Variants in PHACTR4 observed in about 807,000 individuals in gnomAD.
The protein encoded by PHACTR4 is phosphatase and actin regulator 4, also known as protein phosphatase 1, regulatory subunit 124.
Under a neutral mutation model 72.7 loss-of-function variants are expected in PHACTR4, and 51 were observed. The observed-to-expected ratio is 0.70, with a 90% confidence interval of 0.56 to 0.89. The LOEUF is 0.89. Among genes scored for constraint, PHACTR4 ranks in the 40% least tolerant of loss-of-function variants. The pLI is 0.00. For missense variants in PHACTR4, 731 were observed against 861.8 expected (o/e 0.85, Z 1.90); for synonymous variants, 255 against 302.5 (o/e 0.84, Z 1.63).
At chr1:28,396,376 C>G (rs1274250889) in intron 1 of PHACTR4, among the ~76,000 whole-genome samples, 14 of 151,412 alleles carry the variant, frequency 9.2e-5, no homozygotes, top group African/African-American at 3.2e-4. Context: ...TACAAAAATA[C>G]AAAAATTAGC....
rs374378156 is a variant in PHACTR4, at chr1:28,496,624, T to G, written c.*75T>G. 59 of 1,545,910 alleles carry G rather than the reference T, an allele frequency of 3.8e-5. No individual in the cohort carries two copies. Among genetic ancestry groups the G allele is most frequent in the Non-Finnish European group, 5.2e-5 (58 of 1,121,656 alleles). ...TCCAAAGTGACATATGGAGGGAACTTTAGCACTTCCCAGCACAGCCAGAAT... is the reference window on the plus strand; with the variant it reads ...TCCAAAGTGACATATGGAGGGAACTGTAGCACTTCCCAGCACAGCCAGAAT... On this transcript the variant is annotated 3_prime_UTR_variant, in exon 14 of 14. Transcript: ENST00000373839.
At chr1:28,475,348 G>T (rs1019946167) in intron 7 of PHACTR4, among the ~76,000 whole-genome samples, 2 of 151,654 alleles carry the variant, frequency 1.3e-5, no homozygotes, top group African/African-American at 4.8e-5. Context: ...AATTACAACC[G>T]CTAGTTTTAT....
chr1:28,434,467 A>G (rs988671380), intron 2 of PHACTR4, among the ~76,000 whole-genome samples: 2 of 151,860 alleles, frequency 1.3e-5, no homozygotes, highest in Non-Finnish European at 1.5e-5. Flanking sequence ...GACTACAGGC[A>G]CGTACCACCA....
chr1:28,400,217 A>G (rs1653839935), intron 1 of PHACTR4, among the ~76,000 whole-genome samples: 2 of 152,064 alleles, frequency 1.3e-5, no homozygotes, highest in African/African-American at 4.8e-5. Flanking sequence ...TTCTAAAAAT[A>G]CAAAAATTAG....
chr1:28,379,738 C>T (rs895639050), intron 1 of PHACTR4, among the ~76,000 whole-genome samples: 24 of 151,688 alleles, frequency 1.6e-4, no homozygotes, highest in Admixed American at 7.2e-4. Flanking sequence ...TACAGGCGCC[C>T]GCCACCACAC....
intron 2 of PHACTR4, among the ~76,000 whole-genome samples, chr1:28,452,908 C>T (rs1205483873): frequency 1.3e-5 from 2 of 152,332 alleles, no homozygotes; most frequent in South Asian, 2.1e-4. Flanking sequence ...CACTTGAGGT[C>T]AGGAGCTCGA....
At chr1:28,387,717 T>C (rs1369148061) in intron 1 of PHACTR4, among the ~76,000 whole-genome samples, 3 of 147,802 alleles carry the variant, frequency 2.0e-5, no homozygotes. Context: ...CAAGACACTG[T>C]CTCTACAAAA....
chr1:28,487,911 T>G (rs971340234), intron 9 of PHACTR4, among the ~76,000 whole-genome samples: 2 of 151,588 alleles, frequency 1.3e-5, no homozygotes, highest in African/African-American at 4.8e-5. Flanking sequence ...AATTTTTGTA[T>G]TTTTCAGTAG....
chr1:28,410,113 C>T (rs1348549604), intron 2 of PHACTR4, among the ~76,000 whole-genome samples: 4 of 151,802 alleles, frequency 2.6e-5, no homozygotes, highest in Non-Finnish European at 5.9e-5. Context: ...ACTACAGGCA[C>T]GTGCCACCAC....
At chr1:28,376,656 A>C (rs1433813848) in intron 1 of PHACTR4, among the ~76,000 whole-genome samples, 1 of 145,232 alleles carries the variant, frequency 6.9e-6, no homozygotes, top group Non-Finnish European at 1.5e-5. Context: ...TTTTTTTTTG[A>C]GACGGAGTCT....
intron 1 of PHACTR4, among the ~76,000 whole-genome samples, chr1:28,404,382 A>G (rs1654172096): frequency 6.8e-6 from 1 of 147,300 alleles, no homozygotes. Flanking sequence ...TCCTGGGTTC[A>G]AGCGATTCTC....
chr1:28,400,931 G>A lies in PHACTR4; in HGVS notation c.-38-6479G>A, dbSNP rs376968019. On this transcript the variant is annotated intron_variant, in intron 1 of 13. Transcript: ENST00000373839. ...GATATGGGAAATATGTGATAGTGGT[G>A]CAGGAGGGGATAGGCCTTCAAATCT... Among the ~76,000 whole-genome samples, 42 of 152,286 alleles carry A rather than the reference G, an allele frequency of 2.8e-4. No homozygotes were observed. In the South Asian group the frequency reaches 8.1e-3, roughly 29 times the overall value.
chr1:28,474,526 GA>G (rs532367909), intron 7 of PHACTR4, among the ~76,000 whole-genome samples: 1 of 150,352 alleles, frequency 6.7e-6, no homozygotes, highest in African/African-American at 2.4e-5. Context: ...CTGTCTCACA[GA>G]AAAAAAGAAA....
At chr1:28,407,247 T>G (rs1366948174) in intron 1 of PHACTR4, among the ~76,000 whole-genome samples, 163 bp from the exon 2 acceptor site, 1 of 114,192 alleles carries the variant, frequency 8.8e-6, no homozygotes, top group East Asian at 2.1e-4. Flanking sequence ...AGATCCTGTC[T>G]CAAAAAAAAA....
chr1:28,459,891 G>A (rs1229111358), intron 3 of PHACTR4, among the ~76,000 whole-genome samples: 5 of 152,090 alleles, frequency 3.3e-5, no homozygotes, highest in Non-Finnish European at 7.3e-5. Flanking sequence ...GACTGAATGA[G>A]TTGATACATA....
At chr1:28,390,603 A>T (rs1399940825) in intron 1 of PHACTR4, among the ~76,000 whole-genome samples, 4 of 152,044 alleles carry the variant, frequency 2.6e-5, no homozygotes, top group Non-Finnish European at 5.9e-5. Flanking sequence ...CAGCCTGGCC[A>T]ACATGGTGAT....
intron 1 of PHACTR4, among the ~76,000 whole-genome samples, chr1:28,404,104 C>G (rs1168610371): frequency 1.3e-5 from 2 of 151,982 alleles, no homozygotes; most frequent in African/African-American, 4.8e-5. Context: ...CACGTGCCAC[C>G]ATGCTCAAGT....
chr1:28,476,298 A>T lies in PHACTR4; in HGVS notation c.1606+7A>T. 1 of 1,580,256 alleles carries T rather than the reference A, an allele frequency of 6.3e-7. No homozygotes were observed. Among genetic ancestry groups the T allele is most frequent in the Non-Finnish European group, 8.6e-7 (1 of 1,168,362 alleles). ...GAAGATGAAAGCTATCAGAGTAAGA[A>T]AGGGAGGGAAAAGCAAAACAGAGAA... On this transcript the variant is annotated splice_region_variant and intron_variant, in intron 8 of 13. Transcript: ENST00000373839.
rs555493924 is a variant in PHACTR4, at chr1:28,371,630, G to A, written c.-39+1805G>A. ...TATTTATTTTTTGAAATAGGGTCTCGCTGGGTTTCCCAGGCTGGAGTGCAG... is the reference window on the plus strand; with the variant it reads ...TATTTATTTTTTGAAATAGGGTCTCACTGGGTTTCCCAGGCTGGAGTGCAG... On this transcript the variant is annotated intron_variant, in intron 1 of 13. Coordinates refer to ENST00000373839, the MANE Select transcript of PHACTR4 (RefSeq NM_001048183.3). 2.0e-3 allele frequency among the ~76,000 whole-genome samples: 296 copies of A among 151,568 alleles called. 4 individuals carry two copies. Among genetic ancestry groups the A allele is most frequent in the Middle Eastern group, 6.8e-3 (2 of 294 alleles).
Sources: allele counts gnomAD v4.1 joint callset (sites outside exome capture counted in the v4.1 genomes callset), GRCh38; gene constraint gnomAD v4.1.1; transcripts MANE v1.5; gene names NCBI Gene and HGNC (gene_info 2026-07-23, HGNC 2026-07-21).